The following KCNN2 variants were observed in gnomAD, a reference collection of about 807,000 sequenced individuals.
KCNN2 encodes potassium calcium-activated channel subfamily N member 2.
Under a neutral mutation model 55.5 loss-of-function variants are expected in KCNN2, and 24 were observed. The observed-to-expected ratio is 0.43, with a 90% confidence interval of 0.31 to 0.61. The LOEUF is 0.61. Among genes scored for constraint, KCNN2 ranks in the 20% least tolerant of loss-of-function variants. The pLI, the probability that KCNN2 is intolerant of heterozygous loss-of-function variation, is 0.08. For missense variants in KCNN2, 754 were observed against 853.6 expected (o/e 0.88, Z 1.45); for synonymous variants, 431 against 336.1 (o/e 1.28, Z -3.09).
intron 2 of KCNN2, among the ~76,000 whole-genome samples, chr5:114,315,888 G>T (rs1294026494): frequency 2.0e-5 from 3 of 152,150 alleles, no homozygotes; most frequent in Admixed American, 6.6e-5. Flanking sequence ...TAGAAGCAGA[G>T]TTACCTAAGA....
chr5:114,156,955 T>C (rs1458458126), intron 1 of KCNN2, among the ~76,000 whole-genome samples: 1 of 152,096 alleles, frequency 6.6e-6, no homozygotes, highest in Non-Finnish European at 1.5e-5. Flanking sequence ...TTATGTAGTA[T>C]ACCTCTAAGG....
chr5:114,256,321 A>ACT (rs920337049), intron 2 of KCNN2, among the ~76,000 whole-genome samples: 5 of 152,198 alleles, frequency 3.3e-5, no homozygotes, highest in African/African-American at 4.8e-5. Flanking sequence ...GCTATTAGGA[A>ACT]GAGTACTACA....
At chr5:114,437,070 C>T (rs1293657574) in intron 3 of KCNN2, among the ~76,000 whole-genome samples, 1 of 151,414 alleles carries the variant, frequency 6.6e-6, no homozygotes, top group Non-Finnish European at 1.5e-5. Flanking sequence ...TGTGTGTATG[C>T]GTGCATGCAT....
At chr5:114,166,605 T>G (rs1752918051) in intron 1 of KCNN2, among the ~76,000 whole-genome samples, 1 of 152,136 alleles carries the variant, frequency 6.6e-6, no homozygotes, top group Non-Finnish European at 1.5e-5. Flanking sequence ...GTGGTACGGT[T>G]TTCACCTGGT....
intron 2 of KCNN2, among the ~76,000 whole-genome samples, chr5:114,255,414 G>A (rs1282302542): frequency 1.3e-5 from 2 of 152,112 alleles, no homozygotes; most frequent in Admixed American, 6.6e-5. Context: ...AATTAAGATA[G>A]CAATGTAAAC....
At chr5:114,287,306 T>C (rs1038147912) in intron 2 of KCNN2, among the ~76,000 whole-genome samples, 1 of 152,190 alleles carries the variant, frequency 6.6e-6, no homozygotes, top group Non-Finnish European at 1.5e-5. Context: ...CACACATGTT[T>C]ATTATAGCAC....
chr5:114,443,601 A>G (rs1021062975), intron 3 of KCNN2, among the ~76,000 whole-genome samples: 1 of 152,262 alleles, frequency 6.6e-6, no homozygotes, highest in East Asian at 1.9e-4. Context: ...TTAATTTCCT[A>G]TGAATAAGTG....
chr5:114,309,536 C>A (rs913434087), intron 2 of KCNN2, among the ~76,000 whole-genome samples: 2 of 152,134 alleles, frequency 1.3e-5, no homozygotes, highest in Non-Finnish European at 2.9e-5. Context: ...TTGTTTAGAT[C>A]ATTCCTCTAT....
chr5:114,346,010 C>T (rs1490186735), intron 2 of KCNN2, among the ~76,000 whole-genome samples: 3 of 152,024 alleles, frequency 2.0e-5, no homozygotes, highest in Non-Finnish European at 2.9e-5. Flanking sequence ...CTCCAACTCC[C>T]GACCTTAAGT....
intron 3 of KCNN2, among the ~76,000 whole-genome samples, chr5:114,432,224 G>C (rs1436927370): frequency 6.6e-6 from 1 of 152,178 alleles, no homozygotes; most frequent in East Asian, 1.9e-4. Flanking sequence ...AGTTCTATCA[G>C]CTTTTGCTTT....
At chr5:114,287,250 G>A (rs10058211) in intron 2 of KCNN2, among the ~76,000 whole-genome samples, 24,579 of 152,120 alleles carry the variant, frequency 0.16, 3,521 homozygotes, top group East Asian at 0.81. Flanking sequence ...CCATTACTGG[G>A]TGAATACCCA....
chr5:114,441,943 T>C (rs1332429969), intron 3 of KCNN2, among the ~76,000 whole-genome samples: 1 of 152,200 alleles, frequency 6.6e-6, no homozygotes, highest in African/African-American at 2.4e-5. Flanking sequence ...TTTTAAAACT[T>C]AACTGCTGTA....
chr5:114,492,624 A>C (rs911358547), intron 6 of KCNN2, among the ~76,000 whole-genome samples: 12 of 152,020 alleles, frequency 7.9e-5, no homozygotes, highest in African/African-American at 2.7e-4. Flanking sequence ...CCGTTTTTTG[A>C]CTCTTAATTG....
chr5:114,166,187 C>T (rs1377018256), intron 1 of KCNN2, among the ~76,000 whole-genome samples: 2 of 152,076 alleles, frequency 1.3e-5, no homozygotes, highest in African/African-American at 4.8e-5. Flanking sequence ...ATGATTCAAA[C>T]ACAACAGTCT....
intron 1 of KCNN2, among the ~76,000 whole-genome samples, chr5:114,128,429 G>T (rs10038171): frequency 0.11 from 16,973 of 152,130 alleles, 1,198 homozygotes; most frequent in Non-Finnish European, 0.15. Flanking sequence ...AGAACAGGCT[G>T]GGAGAAACTG....
chr5:114,361,444 G>A (rs1453658293), upstream of KCNN2, among the ~76,000 whole-genome samples: 2 of 152,204 alleles, frequency 1.3e-5, no homozygotes, highest in East Asian at 1.9e-4. Context: ...CTCCCCACAC[G>A]CTGCTGCACT....
In KCNN2 at chr5:114,363,233, C is replaced by T; in HGVS notation, c.1094C>T (p.Thr365Ile). 6.2e-7 allele frequency: 1 copy of T among 1,612,506 alleles called. No individual in the cohort carries two copies. Among genetic ancestry groups the T allele is most frequent in the Non-Finnish European group, 8.5e-7 (1 of 1,179,686 alleles). The change falls in exon 1 of 8, where the codon ACC becomes ATC. Residue 365 changes from threonine to isoleucine, a missense_variant. Thr to Ile is a moderately conservative substitution (Grantham distance 89, BLOSUM62 -1). Coordinates refer to ENST00000673685, the MANE Select transcript of KCNN2 (RefSeq NM_021614.4). ...MFGIVVMVIE[T>I]ELSWGAYDKA... ...GGCATCGTGGTCATGGTCATCGAGACCGAGCTGTCGTGGGGCGCCTACGAC... is the reference window on the plus strand; with the variant it reads ...GGCATCGTGGTCATGGTCATCGAGATCGAGCTGTCGTGGGGCGCCTACGAC...
chr5:114,245,086 A>G (rs374055894), intron 2 of KCNN2, among the ~76,000 whole-genome samples: 11 of 152,260 alleles, frequency 7.2e-5, no homozygotes, highest in Non-Finnish European at 1.5e-4. Flanking sequence ...TTGCAAACAA[A>G]TTCATCAGAC....
chr5:114,179,793 C>T (rs1753205000), intron 1 of KCNN2, among the ~76,000 whole-genome samples: 1 of 152,090 alleles, frequency 6.6e-6, no homozygotes. Flanking sequence ...TTAAATTTTT[C>T]GTCTTAATTA....
Sources: allele counts gnomAD v4.1 joint callset (sites outside exome capture counted in the v4.1 genomes callset), GRCh38; gene constraint gnomAD v4.1.1; transcripts MANE v1.5; gene names NCBI Gene and HGNC (gene_info 2026-07-23, HGNC 2026-07-21).